Variants in KIAA0825 observed in about 807,000 individuals in gnomAD.
KIAA0825 encodes the protein uncharacterized protein KIAA0825.
KIAA0825 carries 119 observed loss-of-function variants against 147.6 expected under a neutral mutation model. That is an observed-to-expected ratio of 0.81 (90% CI 0.69 to 0.94). The LOEUF (loss-of-function observed/expected upper bound fraction) is 0.94. Among genes scored for constraint, KIAA0825 ranks in the 40% least tolerant of loss-of-function variants. The pLI is 0.00. For synonymous variants in KIAA0825, 470 were observed against 518.1 expected, an observed-to-expected ratio of 0.91 and a Z score of 1.26; for missense variants, 1,381 against 1,472.7, an observed-to-expected ratio of 0.94 and a Z score of 1.02.
In KIAA0825 at chr5:94,384,402, C is replaced by A; in HGVS notation, c.3676G>T (p.Asp1226Tyr). ...AGCAGCACACTGAAGGTCATCTTAT[C>A]CAGTCTCAGATAATTTGGCAGCAAC... ...AKLLPNYLRL[D>Y]KMTFSVLLKN... The change falls in exon 20 of 21, where the codon GAT becomes TAT. Residue 1226 changes from aspartate to tyrosine, a missense_variant. Asp to Tyr is a radical substitution (Grantham distance 160). Coordinates refer to ENST00000682413, the MANE Select transcript of KIAA0825 (RefSeq NM_001145678.3). The A allele has an allele frequency of 1.9e-6, 3 of 1,551,934 alleles. No homozygotes were observed. In the South Asian group the frequency reaches 3.6e-5, roughly 18 times the overall value.
At chr5:94,154,170 C>T in intron 20 of KIAA0825, 46 bp from the exon 21 acceptor site, 1 of 1,135,124 alleles carries the variant, frequency 8.8e-7, no homozygotes. Context: ...TTTCAAACCA[C>T]AGGTCAACAC....
At chr5:94,556,972 T>C (rs1776649826) in intron 2 of KIAA0825, among the ~76,000 whole-genome samples, 1 of 152,214 alleles carries the variant, frequency 6.6e-6, no homozygotes, top group African/African-American at 2.4e-5. Flanking sequence ...TGAAATTGTC[T>C]CCTCTCTTGA....
chr5:94,185,328 A>G (rs977021483), intron 20 of KIAA0825, among the ~76,000 whole-genome samples: 4 of 152,214 alleles, frequency 2.6e-5, no homozygotes, highest in Non-Finnish European at 4.4e-5. Flanking sequence ...AATTAACCAC[A>G]TAGAGCCTTG....
At chr5:94,462,262 T>A in intron 12 of KIAA0825, 125 bp downstream of exon 12, 1 of 553,648 alleles carries the variant, frequency 1.8e-6, no homozygotes, top group Non-Finnish European at 3.1e-6. Flanking sequence ...TAGTTCACAG[T>A]ATCAAAAATG....
chr5:94,583,649 C>T (rs538560869), intron 1 of KIAA0825, among the ~76,000 whole-genome samples: 1 of 152,282 alleles, frequency 6.6e-6, no homozygotes, highest in Admixed American at 6.5e-5. Context: ...AACGTCCCTG[C>T]CTGACAGCTC....
chr5:94,465,948 A>T (rs1464260095), intron 10 of KIAA0825, among the ~76,000 whole-genome samples: 4 of 152,202 alleles, frequency 2.6e-5, no homozygotes, highest in Non-Finnish European at 5.9e-5. Flanking sequence ...TTTTCTTCAA[A>T]TCAGATCAAA....
At chr5:94,316,736 G>A (rs1293332140) in intron 20 of KIAA0825, among the ~76,000 whole-genome samples, 9 of 151,698 alleles carry the variant, frequency 5.9e-5, no homozygotes, top group Non-Finnish European at 1.2e-4. Context: ...GTATGCTTTT[G>A]CATCCTTTCA....
At position 94,440,719 on chromosome 5, in the gene KIAA0825, A is replaced by G. The variant is rs552811013; in HGVS notation, c.2358-598T>C. On this transcript the variant is annotated intron_variant, in intron 13 of 20. Transcript: ENST00000682413. Reference sequence around the variant, plus strand: ...CATCAAAGGGAAAGAATTCCGAGGCAAATACGCTTCTGCTTGAAAAATTAT... The same window carrying G: ...CATCAAAGGGAAAGAATTCCGAGGCGAATACGCTTCTGCTTGAAAAATTAT... Among the ~76,000 whole-genome samples the G allele has an allele frequency of 2.9e-4, 44 of 152,184 alleles. 1 individual carries two copies. In the South Asian group the frequency reaches 8.9e-3, roughly 31 times the overall value.
At chr5:94,532,711 T>C (rs933382368) in intron 3 of KIAA0825, among the ~76,000 whole-genome samples, 5 of 151,258 alleles carry the variant, frequency 3.3e-5, no homozygotes, top group African/African-American at 7.3e-5. Context: ...TTTTTTTTTT[T>C]TTCAGTAGAG....
rs1355372651 is a variant in KIAA0825 at position 94,292,457 on chromosome 5, C to T, written c.3710+91911G>A. ...CAGCCTTGCATCCCAGGGATGAAAG[C>T]GACTTGATCATGGTGGATAAGCTTT... On this transcript the variant is annotated intron_variant, in intron 20 of 20. Coordinates refer to ENST00000682413, the MANE Select transcript of KIAA0825 (RefSeq NM_001145678.3). 2.6e-5 allele frequency among the ~76,000 whole-genome samples: 4 copies of T among 152,044 alleles called. No homozygotes were observed. In the South Asian group the frequency reaches 6.2e-4, roughly 24 times the overall value.
At chr5:94,591,824 T>C (rs1584985301) in intron 1 of KIAA0825, among the ~76,000 whole-genome samples, 1 of 151,930 alleles carries the variant, frequency 6.6e-6, no homozygotes, top group Admixed American at 6.6e-5. Context: ...TGGCGGAAGG[T>C]GGAGAAGCAA....
chr5:94,611,292 T>C (rs549836291), intron 1 of KIAA0825, among the ~76,000 whole-genome samples: 8 of 152,306 alleles, frequency 5.3e-5, no homozygotes, highest in African/African-American at 1.9e-4. Flanking sequence ...ATCGCCTCTT[T>C]AATCTTCATT....
chr5:94,269,747 G>A (rs939859158), intron 20 of KIAA0825, among the ~76,000 whole-genome samples: 63 of 151,986 alleles, frequency 4.1e-4, no homozygotes, highest in African/African-American at 1.2e-3. Flanking sequence ...ATGATGCATC[G>A]TAAAGAGCTA....
chr5:94,323,212 A>G (rs536103207), intron 20 of KIAA0825, among the ~76,000 whole-genome samples: 39 of 152,140 alleles, frequency 2.6e-4, no homozygotes, highest in African/African-American at 8.7e-4. Context: ...TTGTCAAATC[A>G]TGATGCCATC....
At position 94,332,218 on chromosome 5, in the gene KIAA0825, C is replaced by T. The variant is rs1186707237; in HGVS notation, c.3710+52150G>A. ...AAATAGAAGGAATTTTCTTTCTTTT[C>T]TTTTCTTTCTTTTTTTTTTTAAATT... On this transcript the variant is annotated intron_variant, in intron 20 of 20. Transcript: ENST00000682413. 6.9e-5 allele frequency among the ~76,000 whole-genome samples: 10 copies of T among 144,164 alleles called. No homozygotes were observed. The Middle Eastern group carries it at 0.011, about 154-fold the overall frequency. 94.6% of individuals were successfully genotyped at this position (144,164 alleles called of 152,430 possible).
chr5:94,396,283 G>A lies in KIAA0825; in HGVS notation c.3114C>T (p.Ala1038=), dbSNP rs759232740. The change falls in exon 17 of 21, where the codon GCC becomes GCT. Residue 1038 remains alanine (A), a synonymous_variant. Coordinates refer to ENST00000682413, the MANE Select transcript of KIAA0825 (RefSeq NM_001145678.3). ...TTTCTTTACTCCATCTGTCAAGAGA[G>A]GCACCTGTTAAAAGTTCCACAGTGT... is the stretch of plus-strand genomic sequence containing the variant. ...DGNTVELLTG[A]SLDRWSKEKL... is the part of the protein sequence containing the mutation. 11 of 1,550,672 alleles carry A rather than the reference G, an allele frequency of 7.1e-6. No homozygotes were observed. The highest frequency in any genetic ancestry group is 1.4e-5 in the African/African-American group (1 of 72,978).
chr5:94,500,338 T>G (rs530540300), intron 5 of KIAA0825, among the ~76,000 whole-genome samples: 2 of 152,162 alleles, frequency 1.3e-5, no homozygotes, highest in East Asian at 3.9e-4. Context: ...TAAGTCCAAA[T>G]GAGAGATGAT....
chr5:94,583,299 T>G (rs1270997097), intron 1 of KIAA0825, among the ~76,000 whole-genome samples: 2 of 152,164 alleles, frequency 1.3e-5, no homozygotes, highest in East Asian at 3.9e-4. Context: ...TACATTCCTG[T>G]CCAAATACTG....
chr5:94,225,760 T>C (rs1235584594), intron 20 of KIAA0825, among the ~76,000 whole-genome samples: 1 of 152,212 alleles, frequency 6.6e-6, no homozygotes, highest in South Asian at 2.1e-4. Context: ...TTGTTGTAGC[T>C]GCCTGAACTA....
Sources: gnomAD v4.1 joint callset for allele counts (sites outside exome capture counted in the v4.1 genomes callset) on GRCh38, gnomAD v4.1.1 for gene constraint, MANE v1.5 for transcripts, NCBI Gene and HGNC (gene_info 2026-07-23, HGNC 2026-07-21) for gene names.